The following WDR44 variants were observed in gnomAD, a reference collection of about 807,000 sequenced individuals.
WDR44 encodes the protein WD repeat domain 44.
In WDR44, 9 loss-of-function variants were observed where a neutral mutation model predicts 65.7. The ratio of observed to expected loss-of-function variants is 0.14; its 90% CI spans 0.08 to 0.24. The LOEUF is 0.24. Ranked by LOEUF, WDR44 falls within the 10% of genes least tolerant of loss-of-function variation. The pLI is 1.00. For missense variants in WDR44, 425 were observed against 670.9 expected (o/e 0.63, Z 4.05); for synonymous variants, 220 against 235.2 (o/e 0.94, Z 0.59).
chrX:118,380,645 G>A (rs1320314801), intron 2 of WDR44, among the ~76,000 whole-genome samples: 1 of 111,805 alleles, frequency 8.9e-6, no homozygotes, highest in African/African-American at 3.3e-5. Context: ...TAATATAAAG[G>A]AAGGCTTGAT....
At chrX:118,346,642 T>C in intron 1 of WDR44, 62 bp downstream of exon 1, 1 of 926,515 alleles carries the variant, frequency 1.1e-6, no homozygotes, top group African/African-American at 2.0e-5. Flanking sequence ...CTCCTGTGTC[T>C]TCCCCCTACA....
At chrX:118,385,220 A>G (rs1171924432) in intron 2 of WDR44, among the ~76,000 whole-genome samples, 1 of 112,273 alleles carries the variant, frequency 8.9e-6, no homozygotes, top group Non-Finnish European at 1.9e-5. Context: ...TCATTGCAGC[A>G]CTATTCACAA....
intron 12 of WDR44, among the ~76,000 whole-genome samples, chrX:118,426,463 A>G (rs2057157609): frequency 9.0e-6 from 1 of 111,691 alleles, no homozygotes; most frequent in South Asian, 3.8e-4. Context: ...GCACTTTAAG[A>G]GGCCAAGGTG....
intron 1 of WDR44, among the ~76,000 whole-genome samples, chrX:118,352,498 A>AT (rs1484685711): frequency 1.9e-5 from 2 of 103,199 alleles, no homozygotes; most frequent in Non-Finnish European, 3.9e-5. Flanking sequence ...CTGTCCCTTG[A>AT]TTTTAAAAAA....
chrX:118,425,348 A>C (rs2057146688), intron 12 of WDR44, among the ~76,000 whole-genome samples: 1 of 112,348 alleles, frequency 8.9e-6, no homozygotes, highest in Non-Finnish European at 1.9e-5. Context: ...TACTGAGAAC[A>C]AACTATAAGA....
intron 1 of WDR44, among the ~76,000 whole-genome samples, chrX:118,357,664 T>C (rs1048396239): frequency 3.6e-5 from 4 of 109,717 alleles, no homozygotes; most frequent in African/African-American, 6.7e-5. Flanking sequence ...GGAAGACCCT[T>C]TGAGGCCAGG....
intron 3 of WDR44, among the ~76,000 whole-genome samples, chrX:118,392,165 C>T (rs2056825768): frequency 9.0e-6 from 1 of 111,437 alleles, no homozygotes. Flanking sequence ...AATTCTTCTC[C>T]TGGGGATTTG....
chrX:118,411,086 T>C, intron 12 of WDR44, 127 bp downstream of exon 12: 1 of 550,635 alleles, frequency 1.8e-6, no homozygotes, highest in Non-Finnish European at 2.7e-6. Context: ...GATGTATCAT[T>C]AGAACCAAGA....
intron 7 of WDR44, among the ~76,000 whole-genome samples, chrX:118,398,113 T>C (rs2056881202): frequency 2.7e-5 from 3 of 111,436 alleles, no homozygotes. Flanking sequence ...GGTGTGCGCC[T>C]ATAGTCCCAA....
At chrX:118,405,106 G>T (rs757806508) in intron 9 of WDR44, among the ~76,000 whole-genome samples, 2 of 110,796 alleles carry the variant, frequency 1.8e-5, no homozygotes, top group East Asian at 2.8e-4. Flanking sequence ...CATGATCTTG[G>T]CTCACTGCAA....
chrX:118,373,603 CT>C (rs1218621873), intron 1 of WDR44, among the ~76,000 whole-genome samples: 1 of 111,627 alleles, frequency 9.0e-6, no homozygotes, highest in Non-Finnish European at 1.9e-5. Flanking sequence ...ATTGCCTTTA[CT>C]TTGGTGCTCA....
chrX:118,443,987 A>G (rs567916549), intron 18 of WDR44, among the ~76,000 whole-genome samples: 2 of 110,917 alleles, frequency 1.8e-5, no homozygotes, highest in Admixed American at 9.7e-5. Flanking sequence ...TGGAAATTGC[A>G]GTGAGCCGAG....
chrX:118,366,302 A>T lies in WDR44; in HGVS notation c.78-12117A>T, dbSNP rs1482963752. 3.6e-5 allele frequency among the ~76,000 whole-genome samples: 4 copies of T among 111,772 alleles called. No individual in the cohort carries two copies. The East Asian group carries it at 1.1e-3, about 31-fold the overall frequency. ...AAATCTTGTCTCCGGTATTTTTTTTAAATCTTAGCACATTCTGAGTGCCAG... is the reference window on the plus strand; with the variant it reads ...AAATCTTGTCTCCGGTATTTTTTTTTAATCTTAGCACATTCTGAGTGCCAG... On this transcript the variant is annotated intron_variant, in intron 1 of 19. Transcript: ENST00000254029.
chrX:118,423,253 C>G (rs1479072229), intron 12 of WDR44, among the ~76,000 whole-genome samples: 1 of 110,816 alleles, frequency 9.0e-6, no homozygotes, highest in East Asian at 2.8e-4. Context: ...ACTGCAACCT[C>G]TGCCTCCTGG....
intron 14 of WDR44, among the ~76,000 whole-genome samples, chrX:118,437,316 C>T (rs772078970): frequency 1.7e-4 from 19 of 112,010 alleles, no homozygotes; most frequent in Non-Finnish European, 3.2e-4. Context: ...ATCTTTCCCC[C>T]AGAAATAAAG....
At position 118,346,409 on chromosome X, in the gene WDR44, C is replaced by A; in HGVS notation, c.-95C>A. 1.3e-6 allele frequency: 1 copy of A among 768,345 alleles called. No individual in the cohort carries two copies. Among genetic ancestry groups the A allele is most frequent in the East Asian group, 3.3e-5 (1 of 30,187 alleles). 63.3% of individuals were successfully genotyped at this position (768,345 alleles called of 1,213,427 possible). On this transcript the variant is annotated 5_prime_UTR_variant, in exon 1 of 20. Transcript: ENST00000254029. ...TCAGCCTCGCCCGAGACCCACTTCC[C>A]CAGTCTCGCCCGGGTGGAGGTCGAC...
chrX:118,449,641 G>T lies in WDR44; in HGVS notation c.*654G>T, dbSNP rs749700153. The T allele has an allele frequency of 9.1e-6, 1 of 109,479 alleles. No individual in the cohort carries two copies. Among genetic ancestry groups the T allele is most frequent in the African/African-American group, 3.3e-5 (1 of 30,120 alleles). 9.0% of individuals were successfully genotyped at this position (109,479 alleles called of 1,213,427 possible). A position where few individuals can be genotyped will look rare whatever the true frequency, so the allele number is the denominator to read the frequency against. On this transcript the variant is annotated 3_prime_UTR_variant, in exon 20 of 20. Coordinates refer to ENST00000254029, the MANE Select transcript of WDR44 (RefSeq NM_019045.5). Reference sequence around the variant, plus strand: ...CTGGAGCACAATGTTTCTATGTAAAGAATTATTTTCATTCTTTATCCATGA... The same window carrying T: ...CTGGAGCACAATGTTTCTATGTAAATAATTATTTTCATTCTTTATCCATGA...
At chrX:118,348,273 T>C (rs1423528796) in intron 1 of WDR44, among the ~76,000 whole-genome samples, 2 of 112,201 alleles carry the variant, frequency 1.8e-5, no homozygotes, top group African/African-American at 6.5e-5. Context: ...TTGTTAACTT[T>C]ACACAAAGCT....
chrX:118,439,103 T>C (rs2057281183), intron 14 of WDR44, among the ~76,000 whole-genome samples: 1 of 109,685 alleles, frequency 9.1e-6, no homozygotes, highest in Admixed American at 9.9e-5. Context: ...TGATTTTTTA[T>C]AGTGCTTTTA....
Sources: allele counts gnomAD v4.1 joint callset (sites outside exome capture counted in the v4.1 genomes callset), GRCh38; gene constraint gnomAD v4.1.1; transcripts MANE v1.5; gene names NCBI Gene and HGNC (gene_info 2026-07-23, HGNC 2026-07-21).